Variants in GABPB1 observed in about 807,000 individuals in gnomAD.
GABPB1 encodes GA binding protein transcription factor subunit beta 1.
In GABPB1, 15 loss-of-function variants were observed where a neutral mutation model predicts 45.9. That is an observed-to-expected ratio of 0.33 (90% CI 0.22 to 0.50). The LOEUF is 0.50. Among genes scored for constraint, GABPB1 ranks in the 20% least tolerant of loss-of-function variants. The pLI, the probability that GABPB1 is intolerant of heterozygous loss-of-function variation, is 0.98. For missense variants in GABPB1, 252 were observed against 457.5 expected (o/e 0.55, Z 4.10); for synonymous variants, 143 against 154.4 (o/e 0.93, Z 0.55).
At chr15:50,335,603 AAAG>A (rs757050042) in intron 1 of GABPB1, among the ~76,000 whole-genome samples, 5 of 152,174 alleles carry the variant, frequency 3.3e-5, no homozygotes, top group Non-Finnish European at 5.9e-5. Flanking sequence ...TTGTCTTCAA[AAAG>A]AAGACTGGTC....
At chr15:50,337,073 G>GTGTGTGTA in intron 1 of GABPB1, among the ~76,000 whole-genome samples, 1 of 9,614 alleles carries the variant, frequency 1.0e-4, no homozygotes, top group East Asian at 1.1e-3. Context: ...GTATATGTGT[G>GTGTGTGTA]TGTATATATA....
chr15:50,314,729 A>G (rs2047255357), intron 1 of GABPB1: 1 of 152,268 alleles, frequency 6.6e-6, no homozygotes, highest in African/African-American at 2.4e-5. Context: ...CATTGAAAAT[A>G]TATCTACGGC....
chr15:50,322,853 C>G (rs1052130139), intron 1 of GABPB1, among the ~76,000 whole-genome samples: 1 of 151,790 alleles, frequency 6.6e-6, no homozygotes, highest in Non-Finnish European at 1.5e-5. Flanking sequence ...ATGGCAAAAC[C>G]TGGTCTCTAC....
Position 50,275,483 on chromosome 15 carries a change from T to C in GABPB1, c.*3149A>G, listed in dbSNP as rs552612599. 6.6e-6 allele frequency: 1 copy of C among 152,278 alleles called. No individual in the cohort carries two copies. The highest frequency in any genetic ancestry group is 2.1e-4 in the South Asian group (1 of 4,828). 9.4% of individuals were successfully genotyped at this position (152,278 alleles called of 1,614,324 possible). A position where few individuals can be genotyped will look rare whatever the true frequency, so the allele number is the denominator to read the frequency against. On this transcript the variant is annotated 3_prime_UTR_variant, in exon 9 of 9. Transcript: ENST00000380877. ...ATAAACCCATCCTAAGTCAAAAATA[T>C]CATAAATGTAAAATGCAATTAATAC...
intron 3 of GABPB1, 21 bp downstream of exon 3, chr15:50,303,945 G>C: frequency 1.3e-6 from 2 of 1,551,856 alleles, no homozygotes; most frequent in South Asian, 2.5e-5. Flanking sequence ...TAAAAGCAAA[G>C]TGCAAAAAGA....
At chr15:50,336,421 C>T (rs2048128968) in intron 1 of GABPB1, among the ~76,000 whole-genome samples, 1 of 149,696 alleles carries the variant, frequency 6.7e-6, no homozygotes. Flanking sequence ...AGCCTAGGTA[C>T]AGTGTCTCAC....
At chr15:50,343,516 T>C (rs1174801118) in intron 1 of GABPB1, among the ~76,000 whole-genome samples, 1 of 151,934 alleles carries the variant, frequency 6.6e-6, no homozygotes, top group East Asian at 1.9e-4. Context: ...CTAAGATAGC[T>C]ACCACATCCC....
At chr15:50,342,983 T>C (rs1436764972) in intron 1 of GABPB1, among the ~76,000 whole-genome samples, 5 of 66 alleles carry the variant, frequency 0.076, 1 homozygote, top group Admixed American at 0.42. Context: ...TCACTGCAAG[T>C]CCGCCTCCCG....
At chr15:50,312,160 C>G (rs1445313061) in intron 1 of GABPB1, among the ~76,000 whole-genome samples, 7 of 151,812 alleles carry the variant, frequency 4.6e-5, no homozygotes, top group Admixed American at 4.6e-4. Flanking sequence ...GCCCGGCCAA[C>G]AGGGTGAAAC....
chr15:50,331,182 A>AAT (rs1158552448), intron 1 of GABPB1, among the ~76,000 whole-genome samples: 1 of 152,200 alleles, frequency 6.6e-6, no homozygotes, highest in Non-Finnish European at 1.5e-5. Context: ...CCTACTACTG[A>AAT]ATATTTGCTT....
In GABPB1 at chr15:50,355,112, A is replaced by G. The variant is rs1261548776; in HGVS notation, c.-128T>C. On this transcript the variant is annotated 5_prime_UTR_variant, in exon 1 of 9. Coordinates refer to ENST00000380877, the MANE Select transcript of GABPB1 (RefSeq NM_016654.5). ...AAGCGCTTCAGCTGCACAGGGCGCT[A>G]TTTTCCGAAAATGCCGCGTCTGGTC... 4 of 153,200 alleles carry G rather than the reference A, an allele frequency of 2.6e-5. No individual in the cohort carries two copies. Among genetic ancestry groups the G allele is most frequent in the African/African-American group, 9.7e-5 (4 of 41,420 alleles). 9.5% of individuals were successfully genotyped at this position (153,200 alleles called of 1,614,324 possible). A position where few individuals can be genotyped will look rare whatever the true frequency, so the allele number is the denominator to read the frequency against.
In GABPB1 at chr15:50,279,762, G is replaced by A. The variant is rs533364300; in HGVS notation, c.1000-978C>T. On this transcript the variant is annotated intron_variant, in intron 8 of 8. Transcript: ENST00000380877. ...CATCACAGATGCCCAGGACCTCTGA[G>A]TGGGGTGAAGGCCAGGGGTCGGACT... Among the ~76,000 whole-genome samples the A allele has an allele frequency of 2.0e-5, 3 of 152,318 alleles. No homozygotes were observed. The East Asian group carries it at 5.8e-4, about 29-fold the overall frequency.
At chr15:50,314,605 T>C (rs2047250334) in intron 1 of GABPB1, 1 of 152,240 alleles carries the variant, frequency 6.6e-6, no homozygotes. Flanking sequence ...AAGGTGAGGA[T>C]GCTCTGCTAG....
At chr15:50,343,063 C>A (rs1214836007) in intron 1 of GABPB1, among the ~76,000 whole-genome samples, 1 of 152,124 alleles carries the variant, frequency 6.6e-6, no homozygotes, top group Non-Finnish European at 1.5e-5. Context: ...CCACACCCGG[C>A]TAATTTTTTG....
chr15:50,336,116 C>T (rs1457887838), intron 1 of GABPB1, among the ~76,000 whole-genome samples: 1 of 151,474 alleles, frequency 6.6e-6, no homozygotes, highest in African/African-American at 2.4e-5. Flanking sequence ...TTTGGGAGGC[C>T]AAGGCAGGTG....
chr15:50,300,941 G>A, intron 5 of GABPB1, 39 bp from the exon 6 acceptor site: 1 of 1,232,478 alleles, frequency 8.1e-7, no homozygotes, highest in South Asian at 1.2e-5. Flanking sequence ...TTTCTAAGGA[G>A]CTTAATCCAA....
chr15:50,286,498 T>C lies in GABPB1; in HGVS notation c.884-315A>G, dbSNP rs1172827679. On this transcript the variant is annotated intron_variant, in intron 7 of 8. Transcript: ENST00000380877. ...TGAGAGGCCTCATGCCCACCCCTGC[T>C]AACAGATGATCATTTTATTAATTTA... Among the ~76,000 whole-genome samples, 6 of 152,260 alleles carry C rather than the reference T, an allele frequency of 3.9e-5. No homozygotes were observed. In the East Asian group the frequency reaches 9.6e-4, roughly 24 times the overall value.
At chr15:50,286,207 A>G (rs1046684687) in intron 7 of GABPB1, 24 bp from the exon 8 acceptor site, 2 of 1,430,174 alleles carry the variant, frequency 1.4e-6, no homozygotes, top group South Asian at 1.4e-5. Context: ...AAAATTATGT[A>G]TTACTTCATT....
chr15:50,340,565 AAAAAAAC>A (rs960173111), intron 1 of GABPB1, among the ~76,000 whole-genome samples: 4 of 137,614 alleles, frequency 2.9e-5, no homozygotes, highest in African/African-American at 5.4e-5. Context: ...AAAAAAAAAA[AAAAAAAC>A]ATTACCACAT....
Sources: gnomAD v4.1 joint callset for allele counts (sites outside exome capture counted in the v4.1 genomes callset) on GRCh38, gnomAD v4.1.1 for gene constraint, MANE v1.5 for transcripts, NCBI Gene and HGNC (gene_info 2026-07-23, HGNC 2026-07-21) for gene names.